COL25A1: variants seen among roughly 807,000 people sequenced by gnomAD.
The protein encoded by COL25A1 is collagen type XXV alpha 1 chain, also known as collagen alpha-1(XXV) chain.
In COL25A1, 103 loss-of-function variants were observed where a neutral mutation model predicts 128.4. That is an observed-to-expected ratio of 0.80 (90% CI 0.68 to 0.94). The LOEUF (loss-of-function observed/expected upper bound fraction) is 0.94, where lower values mean the gene tolerates loss of function less well. Among genes scored for constraint, COL25A1 ranks in the 40% least tolerant of loss-of-function variants. The probability of loss-of-function intolerance (pLI) is 0.00; values close to 1 mark genes in which losing one functional copy is unlikely to be tolerated. For missense variants in COL25A1, 745 were observed against 840.0 expected (o/e 0.89, Z 1.40); for synonymous variants, 279 against 277.2 (o/e 1.01, Z -0.06).
intron 8 of COL25A1, among the ~76,000 whole-genome samples, chr4:108,968,885 CT>C (rs1751612188): frequency 6.6e-6 from 1 of 152,186 alleles, no homozygotes; most frequent in Non-Finnish European, 1.5e-5. Flanking sequence ...AAGCCAGAAA[CT>C]TTAGCCCTAT....
intron 8 of COL25A1, among the ~76,000 whole-genome samples, chr4:108,969,845 C>T (rs867422789): frequency 6.6e-5 from 10 of 152,232 alleles, no homozygotes; most frequent in African/African-American, 2.4e-4. Flanking sequence ...CTTGGTCACC[C>T]TGCTTTCAGT....
intron 6 of COL25A1, among the ~76,000 whole-genome samples, chr4:108,993,899 A>G (rs1308216689): frequency 1.3e-5 from 2 of 149,980 alleles, no homozygotes; most frequent in African/African-American, 4.9e-5. Flanking sequence ...TGTGGGGGAT[A>G]CTAACAGTGA....
chr4:109,201,714 T>C (rs1011466105), intron 3 of COL25A1, among the ~76,000 whole-genome samples: 1 of 152,146 alleles, frequency 6.6e-6, no homozygotes, highest in Non-Finnish European at 1.5e-5. Flanking sequence ...TTCCACAGAT[T>C]ATATAATTGT....
At chr4:109,213,310 A>G (rs1391685505) in intron 3 of COL25A1, among the ~76,000 whole-genome samples, 1 of 151,982 alleles carries the variant, frequency 6.6e-6, no homozygotes, top group East Asian at 1.9e-4. Flanking sequence ...AGTATGCAAC[A>G]CTCCTCCCAT....
intron 13 of COL25A1, among the ~76,000 whole-genome samples, chr4:108,906,039 T>C (rs1364568916): frequency 1.3e-5 from 2 of 152,064 alleles, no homozygotes; most frequent in Admixed American, 6.6e-5. Context: ...AACGGAGTTC[T>C]TTGCCACCCA....
At chr4:109,101,230 C>T (rs1004148401) in intron 3 of COL25A1, among the ~76,000 whole-genome samples, 3 of 152,130 alleles carry the variant, frequency 2.0e-5, no homozygotes, top group Non-Finnish European at 2.9e-5. Context: ...ACGTGTTTCA[C>T]CAAATACTGT....
chr4:109,006,301 T>G (rs995052278), intron 6 of COL25A1, among the ~76,000 whole-genome samples: 1 of 150,088 alleles, frequency 6.7e-6, no homozygotes, highest in Non-Finnish European at 1.5e-5. Context: ...GCAACCTCCA[T>G]CTCAGGTTCA....
chr4:109,133,549 G>A (rs1411388752), intron 3 of COL25A1, among the ~76,000 whole-genome samples: 1 of 152,038 alleles, frequency 6.6e-6, no homozygotes, highest in Non-Finnish European at 1.5e-5. Context: ...TGTTTGTTAG[G>A]AAAGTCTTCT....
intron 3 of COL25A1, among the ~76,000 whole-genome samples, chr4:109,259,154 A>G (rs968142441): frequency 6.6e-6 from 1 of 152,170 alleles, no homozygotes; most frequent in Non-Finnish European, 1.5e-5. Context: ...TGCACCTTAC[A>G]TAAAGGAGGC....
chr4:109,132,507 A>C (rs1769318902), intron 3 of COL25A1, among the ~76,000 whole-genome samples: 1 of 152,162 alleles, frequency 6.6e-6, no homozygotes, highest in Non-Finnish European at 1.5e-5. Context: ...TCAAAAGGCT[A>C]TTTCGTAATT....
chr4:109,239,083 T>A (rs1560913756), intron 3 of COL25A1, among the ~76,000 whole-genome samples: 2 of 151,974 alleles, frequency 1.3e-5, no homozygotes, highest in Non-Finnish European at 2.9e-5. Context: ...TGGAAATCTT[T>A]GAACCAACTA....
At chr4:109,022,132 T>A (rs1757827539) in intron 5 of COL25A1, 5 of 452,670 alleles carry the variant, frequency 1.1e-5, no homozygotes, top group South Asian at 7.8e-5. Flanking sequence ...TAATAAAAAC[T>A]TGCTGGTTTT....
intron 3 of COL25A1, among the ~76,000 whole-genome samples, chr4:109,205,481 C>G (rs1776902567): frequency 2.0e-5 from 3 of 152,052 alleles, no homozygotes; most frequent in Non-Finnish European, 1.5e-5. Flanking sequence ...AAGTAAAGAG[C>G]AGGTTTCCCA....
chr4:109,142,412 T>A (rs941121631), intron 3 of COL25A1, among the ~76,000 whole-genome samples: 1 of 152,052 alleles, frequency 6.6e-6, no homozygotes, highest in Admixed American at 6.5e-5. Context: ...GGGTGGAGAG[T>A]TCTGTAGATG....
intron 5 of COL25A1, among the ~76,000 whole-genome samples, chr4:109,047,727 T>TC (rs201139979): frequency 2.2e-5 from 2 of 92,618 alleles, no homozygotes; most frequent in African/African-American, 5.8e-5. Context: ...TTAAGTATAC[T>TC]CTTTTTTTTT....
chr4:109,051,616 T>TACACACACAC (rs757614145), intron 3 of COL25A1, among the ~76,000 whole-genome samples: 12,054 of 112,284 alleles, frequency 0.11, 583 homozygotes, highest in African/African-American at 0.14. Flanking sequence ...CAAACACACA[T>TACACACACAC]ACATACACAC....
At chr4:108,895,576 T>C (rs951302412) in intron 16 of COL25A1, among the ~76,000 whole-genome samples, 3 of 152,190 alleles carry the variant, frequency 2.0e-5, no homozygotes, top group Admixed American at 6.5e-5. Flanking sequence ...ATGCTAATAA[T>C]GGTTTAAAAG....
intron 3 of COL25A1, among the ~76,000 whole-genome samples, chr4:109,221,872 C>T (rs1778436996): frequency 6.6e-6 from 1 of 151,724 alleles, no homozygotes; most frequent in South Asian, 2.1e-4. Context: ...AATAAAATAC[C>T]CCAATTTTCA....
At chr4:109,214,829 T>C (rs1335068828) in intron 3 of COL25A1, among the ~76,000 whole-genome samples, 1 of 152,136 alleles carries the variant, frequency 6.6e-6, no homozygotes, top group Non-Finnish European at 1.5e-5. Context: ...GTGAAAGCCA[T>C]GGTTACCCTT....
Sources: allele counts gnomAD v4.1 joint callset (sites outside exome capture counted in the v4.1 genomes callset), GRCh38; gene constraint gnomAD v4.1.1; transcripts MANE v1.5; gene names NCBI Gene and HGNC (gene_info 2026-07-23, HGNC 2026-07-21).